RELN: variants seen among roughly 807,000 people sequenced by gnomAD.
RELN encodes reelin.
RELN carries 108 observed loss-of-function variants against 427.6 expected under a neutral mutation model. That is an observed-to-expected ratio of 0.25 (90% CI 0.22 to 0.30). The LOEUF (loss-of-function observed/expected upper bound fraction) is 0.30, where lower values mean the gene tolerates loss of function less well. Among genes scored for constraint, RELN ranks in the 10% least tolerant of loss-of-function variants. The pLI, the probability that RELN is intolerant of heterozygous loss-of-function variation, is 1.00. For missense variants in RELN, 3,715 were observed against 4,302.8 expected (o/e 0.86, Z 3.82); for synonymous variants, 1,524 against 1,513.4 (o/e 1.01, Z -0.16).
At chr7:103,546,574 T>G (rs1830301865) in intron 41 of RELN, among the ~76,000 whole-genome samples, 1 of 152,250 alleles carries the variant, frequency 6.6e-6, no homozygotes, top group African/African-American at 2.4e-5. Context: ...CTATCTTACT[T>G]TCTCTTCCAT....
rs1186557649 is a variant in RELN, at chr7:103,489,825, A to G, written c.9680T>C (p.Ile3227Thr). 2.5e-6 allele frequency: 4 copies of G among 1,614,026 alleles called. No homozygotes were observed. The African/African-American group carries it at 4.0e-5, about 16-fold the overall frequency. Residue 3227 changes from isoleucine (I) to threonine (T), a missense_variant, in exon 60 of 65, where the codon ATT becomes ACT. Transcript: ENST00000428762. ...KQSWAIDHVYIGEACPKLCSG... is the reference protein window; with the variant it reads ...KQSWAIDHVYTGEACPKLCSG... ...GCAGAGCTTGGGGCAAGCCTCTCCA[A>G]TGTACACGTGGTCAATTGCCCAGCT...
chr7:103,985,713 T>C (rs1033289175), intron 1 of RELN, among the ~76,000 whole-genome samples: 6 of 152,038 alleles, frequency 3.9e-5, no homozygotes, highest in African/African-American at 1.4e-4. Context: ...ATAAATTGAT[T>C]GGGGGCAAGG....
intron 2 of RELN, among the ~76,000 whole-genome samples, chr7:103,860,505 A>G (rs1794047402): frequency 6.6e-6 from 1 of 152,116 alleles, no homozygotes. Context: ...ATAATAATAA[A>G]ATTAGAACTA....
intron 16 of RELN, among the ~76,000 whole-genome samples, chr7:103,648,334 T>A (rs1028044038): frequency 2.0e-5 from 3 of 152,080 alleles, no homozygotes; most frequent in Non-Finnish European, 4.4e-5. Context: ...CGTGCCTGCT[T>A]CCCTTTGGCC....
At chr7:103,592,389 T>C (rs1831437779) in intron 27 of RELN, among the ~76,000 whole-genome samples, 1 of 152,208 alleles carries the variant, frequency 6.6e-6, no homozygotes, top group Non-Finnish European at 1.5e-5. Context: ...TATGGCTGTG[T>C]AGTGTTCCAT....
chr7:103,814,335 G>A (rs1171827433), intron 3 of RELN, among the ~76,000 whole-genome samples: 6 of 152,004 alleles, frequency 3.9e-5, no homozygotes, highest in African/African-American at 9.7e-5. Context: ...GATGAAAGAC[G>A]GATCACCTGA....
chr7:103,759,050 AT>A (rs1337741209), intron 4 of RELN, among the ~76,000 whole-genome samples: 1 of 152,160 alleles, frequency 6.6e-6, no homozygotes, highest in Non-Finnish European at 1.5e-5. Flanking sequence ...AAGCTTAAAC[AT>A]GTTAAGAATA....
chr7:103,607,928 C>A (rs997866593), intron 22 of RELN, among the ~76,000 whole-genome samples: 3 of 152,164 alleles, frequency 2.0e-5, no homozygotes, highest in Non-Finnish European at 2.9e-5. Context: ...CATTGGGTAA[C>A]AAATGTTCAT....
At chr7:103,871,635 G>C (rs763542990) in intron 2 of RELN, among the ~76,000 whole-genome samples, 65 of 152,110 alleles carry the variant, frequency 4.3e-4, no homozygotes, top group Non-Finnish European at 8.1e-4. Context: ...GAACCAGCTA[G>C]TCCATTAAAT....
At chr7:103,632,293 G>A (rs1236884362) in intron 19 of RELN, among the ~76,000 whole-genome samples, 1 of 152,106 alleles carries the variant, frequency 6.6e-6, no homozygotes, top group Non-Finnish European at 1.5e-5. Flanking sequence ...TTATGGCAAG[G>A]GCCAGAAATT....
At chr7:103,503,893 TAAAA>T (rs71154347) in intron 51 of RELN, among the ~76,000 whole-genome samples, 55 of 96,628 alleles carry the variant, frequency 5.7e-4, no homozygotes, top group African/African-American at 1.1e-3. Context: ...AATGTTCTTG[TAAAA>T]AAAAAAAAAA....
chr7:103,532,261 A>C (rs1269430867), intron 46 of RELN, among the ~76,000 whole-genome samples: 2 of 152,058 alleles, frequency 1.3e-5, no homozygotes, highest in African/African-American at 4.8e-5. Context: ...TGGACACACA[A>C]GGGGGGAACA....
chr7:103,569,865 G>A lies in RELN; in HGVS notation c.4588+2319C>T, dbSNP rs1199187041. Among the ~76,000 whole-genome samples, 1 of 152,148 alleles carries A rather than the reference G, an allele frequency of 6.6e-6. No homozygotes were observed. The highest frequency in any genetic ancestry group is 1.5e-5 in the Non-Finnish European group (1 of 68,024). Reference sequence around the variant, plus strand: ...TTAACTCATCTACCAAGTGTTTAAGGCATGTGAAACATTTCTCTTTTTAAA... The same window carrying A: ...TTAACTCATCTACCAAGTGTTTAAGACATGTGAAACATTTCTCTTTTTAAA... On this transcript the variant is annotated intron_variant, in intron 31 of 64. Transcript: ENST00000428762. This position sits in a 1 kb window ranked among gnomAD's most constrained non-coding sequence, Gnocchi z 4.0.
At chr7:103,768,880 G>A (rs906933174) in intron 4 of RELN, among the ~76,000 whole-genome samples, 8 of 152,108 alleles carry the variant, frequency 5.3e-5, no homozygotes, top group Non-Finnish European at 8.8e-5. Context: ...CAGCAGACTC[G>A]TCCCTTCTCC....
At position 103,569,676 on chromosome 7, in the gene RELN, A is replaced by T. The variant is rs1481367279; in HGVS notation, c.4588+2508T>A. 6.6e-6 allele frequency among the ~76,000 whole-genome samples: 1 copy of T among 152,152 alleles called. No homozygotes were observed. Among genetic ancestry groups the T allele is most frequent in the Non-Finnish European group, 1.5e-5 (1 of 68,028 alleles). ...GGCAGTAACAAGGTCTGCAGAGATG[A>T]GGGCCCCAATTCCAAAGGACAAAGA... On this transcript the variant is annotated intron_variant, in intron 31 of 64. Coordinates refer to ENST00000428762, the MANE Select transcript of RELN (RefSeq NM_005045.4). This position sits in a 1 kb window ranked among gnomAD's most constrained non-coding sequence, Gnocchi z 4.0.
At chr7:103,570,766 G>A (rs1052792406) in intron 31 of RELN, among the ~76,000 whole-genome samples, 2 of 152,074 alleles carry the variant, frequency 1.3e-5, no homozygotes, top group African/African-American at 4.8e-5. Flanking sequence ...TGAGGACCTC[G>A]GATGACCCAT....
intron 2 of RELN, among the ~76,000 whole-genome samples, chr7:103,870,671 C>T (rs1018946661): frequency 3.9e-5 from 6 of 152,132 alleles, no homozygotes; most frequent in Non-Finnish European, 8.8e-5. Flanking sequence ...CTAATCTTTT[C>T]ACTTTGGCAA....
intron 41 of RELN, among the ~76,000 whole-genome samples, chr7:103,550,704 G>A (rs187793542): frequency 4.2e-4 from 63 of 151,756 alleles, no homozygotes; most frequent in Non-Finnish European, 7.9e-4. Flanking sequence ...ACAGACATAG[G>A]CAGGTGTTTG....
chr7:103,774,232 G>A (rs1791679380), intron 4 of RELN, among the ~76,000 whole-genome samples: 1 of 151,224 alleles, frequency 6.6e-6, no homozygotes, highest in African/African-American at 2.4e-5. Flanking sequence ...AGGAGGTGGA[G>A]GTTGTGGTTA....
Sources: gnomAD v4.1 joint callset for allele counts (sites outside exome capture counted in the v4.1 genomes callset) on GRCh38, gnomAD v4.1.1 for gene constraint, Gnocchi (gnomAD v3.1) non-coding constraint, MANE v1.5 for transcripts, NCBI Gene and HGNC (gene_info 2026-07-23, HGNC 2026-07-21) for gene names.